Variants in ANKH observed in about 807,000 individuals in gnomAD.
The protein encoded by ANKH is mineralization regulator ANKH.
ANKH carries 15 observed loss-of-function variants against 49.0 expected under a neutral mutation model. The ratio of observed to expected loss-of-function variants is 0.31; its 90% CI spans 0.20 to 0.47. The LOEUF (loss-of-function observed/expected upper bound fraction) is 0.47. Among genes scored for constraint, ANKH ranks in the 20% least tolerant of loss-of-function variants. The probability of loss-of-function intolerance (pLI) is 1.00; values close to 1 mark genes in which losing one functional copy is unlikely to be tolerated. For synonymous variants in ANKH, 273 were observed against 260.0 expected (o/e 1.05, Z -0.48); for missense variants, 429 against 652.0 (o/e 0.66, Z 3.72).
chr5:14,823,013 G>A (rs1290310515), intron 1 of ANKH, among the ~76,000 whole-genome samples: 5 of 149,904 alleles, frequency 3.3e-5, no homozygotes, highest in South Asian at 2.1e-4. Context: ...CAGCCTGGGC[G>A]ACAGAGCCAG....
chr5:14,766,792 A>C (rs148976536), intron 2 of ANKH, among the ~76,000 whole-genome samples: 104 of 152,340 alleles, frequency 6.8e-4, no homozygotes, highest in African/African-American at 2.4e-3. Context: ...GGAGCTGTAC[A>C]TGTAGGGAAT....
At position 14,737,647 on chromosome 5, in the gene ANKH, T is replaced by C. The variant is rs1738230378; in HGVS notation, c.1011+4180A>G. Among the ~76,000 whole-genome samples the C allele has an allele frequency of 6.6e-6, 1 of 152,248 alleles. No homozygotes were observed. Among genetic ancestry groups the C allele is most frequent in the Admixed American group, 6.5e-5 (1 of 15,292 alleles). On this transcript the variant is annotated intron_variant, in intron 8 of 11. Transcript: ENST00000284268. This position sits in a 1 kb window ranked among gnomAD's most constrained non-coding sequence, Gnocchi z 5.0. The stretch of plus-strand genomic sequence containing the variant: ...TGCGACGCAGTCTCCTTTGCGTGGC[T>C]GCAACCCTGCACGCTTCCACGTGAA...
chr5:14,747,319 C>T (rs1181820949), intron 6 of ANKH, among the ~76,000 whole-genome samples: 1 of 152,144 alleles, frequency 6.6e-6, no homozygotes, highest in African/African-American at 2.4e-5. Context: ...GTAGCTTAAG[C>T]CTATAATCCC....
intron 6 of ANKH, among the ~76,000 whole-genome samples, chr5:14,746,290 C>CT (rs3086709): frequency 0.11 from 15,187 of 144,230 alleles, 970 homozygotes; most frequent in African/African-American, 0.17. Flanking sequence ...GCCAAGATTC[C>CT]TTTTTTTTTT....
intron 1 of ANKH, among the ~76,000 whole-genome samples, chr5:14,830,276 G>A (rs1468561982): frequency 6.6e-6 from 1 of 152,168 alleles, no homozygotes; most frequent in Non-Finnish European, 1.5e-5. Flanking sequence ...ATATCAGATC[G>A]AGAAGACACT....
chr5:14,758,399 TA>T, intron 3 of ANKH, 80 bp downstream of exon 3: 1 of 1,114,706 alleles, frequency 9.0e-7, no homozygotes, highest in Non-Finnish European at 1.3e-6. Flanking sequence ...CAAAAATAGC[TA>T]AAATGGTAGA....
intron 1 of ANKH, among the ~76,000 whole-genome samples, chr5:14,794,391 A>AC (rs1397268106): frequency 6.6e-6 from 1 of 152,254 alleles, no homozygotes; most frequent in Non-Finnish European, 1.5e-5. Context: ...CCTGGCCGTG[A>AC]ACGTGGGCTA....
intron 4 of ANKH, among the ~76,000 whole-genome samples, chr5:14,751,706 C>CA (rs371544276): frequency 0.019 from 2,353 of 125,792 alleles, 63 homozygotes; most frequent in African/African-American, 0.073. Context: ...AAAACAACAA[C>CA]AAAAAAACAA....
intron 8 of ANKH, among the ~76,000 whole-genome samples, chr5:14,719,035 C>A (rs905866825): frequency 2.6e-5 from 4 of 152,070 alleles, no homozygotes; most frequent in African/African-American, 9.7e-5. Flanking sequence ...GGACAGCGGA[C>A]GTCTCAGACT....
chr5:14,851,586 TA>T (rs1305825544), intron 1 of ANKH, among the ~76,000 whole-genome samples: 3 of 152,200 alleles, frequency 2.0e-5, no homozygotes, highest in African/African-American at 4.8e-5. Flanking sequence ...CATCCTGAAA[TA>T]AGATTGTCCA....
At position 14,737,158 on chromosome 5, in the gene ANKH, G is replaced by A. The variant is rs1457200479; in HGVS notation, c.1011+4669C>T. ...GCAAATTTGGTAAACTTAGCAGCCC[G>A]ATGGGCTGGCTTTCACCACTTGGCC... On this transcript the variant is annotated intron_variant, in intron 8 of 11. Coordinates refer to ENST00000284268, the MANE Select transcript of ANKH (RefSeq NM_054027.6). The surrounding 1 kb of genome is among the most constrained non-coding windows in gnomAD (Gnocchi z 5.0). Among the ~76,000 whole-genome samples the A allele has an allele frequency of 5.9e-5, 9 of 152,186 alleles. No individual in the cohort carries two copies. The highest frequency in any genetic ancestry group is 1.2e-4 in the Non-Finnish European group (8 of 68,034).
At chr5:14,846,843 C>T (rs1055793043) in intron 1 of ANKH, among the ~76,000 whole-genome samples, 5 of 151,012 alleles carry the variant, frequency 3.3e-5, no homozygotes, top group Non-Finnish European at 5.9e-5. Context: ...AACACACACA[C>T]GCACACAAAA....
At chr5:14,828,831 T>C (rs1183348362) in intron 1 of ANKH, among the ~76,000 whole-genome samples, 2 of 152,162 alleles carry the variant, frequency 1.3e-5, no homozygotes, top group African/African-American at 2.4e-5. Context: ...GCCCAAGTCA[T>C]AGGTACATAT....
At chr5:14,836,758 G>GA (rs1214578894) in intron 1 of ANKH, among the ~76,000 whole-genome samples, 1 of 151,924 alleles carries the variant, frequency 6.6e-6, no homozygotes, top group Non-Finnish European at 1.5e-5. Context: ...CACAGAATTG[G>GA]AAAAAACTAC....
At chr5:14,724,666 C>A in intron 8 of ANKH, 3 of 696,618 alleles carry the variant, frequency 4.3e-6, no homozygotes, top group Non-Finnish European at 5.3e-6. Context: ...TGCATGGTCC[C>A]CGAGCTCCCC....
chr5:14,715,721 G>A (rs1561020303), intron 9 of ANKH, among the ~76,000 whole-genome samples: 1 of 152,080 alleles, frequency 6.6e-6, no homozygotes, highest in Non-Finnish European at 1.5e-5. Context: ...AGACATACAC[G>A]TGCTACATAT....
intron 8 of ANKH, 24 bp from the exon 9 acceptor site, chr5:14,716,859 G>C: frequency 6.2e-7 from 1 of 1,612,794 alleles, no homozygotes; most frequent in Non-Finnish European, 8.5e-7. Flanking sequence ...CATCAAACAG[G>C]GTTGTGAGGA....
intron 9 of ANKH, among the ~76,000 whole-genome samples, chr5:14,715,924 C>G (rs1308207529): frequency 6.6e-6 from 1 of 152,240 alleles, no homozygotes; most frequent in African/African-American, 2.4e-5. Context: ...CTCAGGTTCC[C>G]CTGGAGTCTT....
At position 14,770,813 on chromosome 5, in the gene ANKH, T is replaced by C. The variant is rs1739407534; in HGVS notation, c.97-1622A>G. On this transcript the variant is annotated intron_variant, in intron 1 of 11. Transcript: ENST00000284268. This position sits in a 1 kb window ranked among gnomAD's most constrained non-coding sequence, Gnocchi z 4.1. ...ATTAGGGCTTACTCTTGGTATATTGTACATTCTGTGGATTCTGACAAATGC... is the reference window on the plus strand; with the variant it reads ...ATTAGGGCTTACTCTTGGTATATTGCACATTCTGTGGATTCTGACAAATGC... Among the ~76,000 whole-genome samples, 1 of 152,226 alleles carries C rather than the reference T, an allele frequency of 6.6e-6. No homozygotes were observed. Among genetic ancestry groups the C allele is most frequent in the South Asian group, 2.1e-4 (1 of 4,830 alleles).
Sources: gnomAD v4.1 joint callset for allele counts (sites outside exome capture counted in the v4.1 genomes callset) on GRCh38, gnomAD v4.1.1 for gene constraint, Gnocchi (gnomAD v3.1) non-coding constraint, MANE v1.5 for transcripts, NCBI Gene and HGNC (gene_info 2026-07-23, HGNC 2026-07-21) for gene names.